BNC2: variants seen among roughly 807,000 people sequenced by gnomAD.
BNC2 encodes the protein basonuclin zinc finger protein 2.
BNC2 carries 20 observed loss-of-function variants against 76.3 expected under a neutral mutation model. That is an observed-to-expected ratio of 0.26 (90% CI 0.18 to 0.38). The LOEUF (loss-of-function observed/expected upper bound fraction) is 0.38, where lower values mean the gene tolerates loss of function less well. Among genes scored for constraint, BNC2 ranks in the 10% least tolerant of loss-of-function variants. The pLI, the probability that BNC2 is intolerant of heterozygous loss-of-function variation, is 1.00. For synonymous variants in BNC2, 582 were observed against 514.8 expected, an observed-to-expected ratio of 1.13 and a Z score of -1.77; for missense variants, 1,382 against 1,399.8, an observed-to-expected ratio of 0.99 and a Z score of 0.20.
intron 3 of BNC2, among the ~76,000 whole-genome samples, chr9:16,681,619 G>C (rs1423873989): frequency 6.6e-6 from 1 of 152,014 alleles, no homozygotes; most frequent in Non-Finnish European, 1.5e-5. Context: ...CTCTGCAATG[G>C]TACAATGACT....
intron 1 of BNC2, among the ~76,000 whole-genome samples, chr9:16,776,673 A>G (rs1825976400): frequency 6.6e-6 from 1 of 152,232 alleles, no homozygotes; most frequent in Non-Finnish European, 1.5e-5. Context: ...ATGTGAAAGA[A>G]AGCAAGCACT....
chr9:16,626,772 G>A (rs1481173278), intron 3 of BNC2, among the ~76,000 whole-genome samples: 1 of 151,944 alleles, frequency 6.6e-6, no homozygotes, highest in Non-Finnish European at 1.5e-5. Context: ...GTCCCCTCTG[G>A]AAGGAAGCGA....
chr9:16,841,501 T>C lies in BNC2; in HGVS notation c.3+29145A>G, dbSNP rs144638949. Among the ~76,000 whole-genome samples the C allele has an allele frequency of 2.7e-4, 41 of 151,406 alleles. No homozygotes were observed. In the Middle Eastern group the frequency reaches 0.014, roughly 50 times the overall value. On this transcript the variant is annotated intron_variant, in intron 1 of 6. Coordinates refer to ENST00000380672, the MANE Select transcript of BNC2 (RefSeq NM_017637.6). ...ATGTAGATATCCTGGCTAAACTGTA[T>C]GTCCATAATCAAACCATCATATCAT...
chr9:16,670,478 C>A (rs929333226), intron 3 of BNC2, among the ~76,000 whole-genome samples: 2 of 152,086 alleles, frequency 1.3e-5, no homozygotes, highest in Non-Finnish European at 2.9e-5. Flanking sequence ...CTGTATCCAG[C>A]CAATTTAAGA....
intron 3 of BNC2, among the ~76,000 whole-genome samples, chr9:16,709,064 C>T (rs1305672957): frequency 2.0e-5 from 3 of 152,158 alleles, no homozygotes; most frequent in Admixed American, 1.3e-4. Context: ...TCGGCTTCAC[C>T]GCTGGGAAAT....
At chr9:16,595,030 A>T (rs1308471089) in intron 3 of BNC2, among the ~76,000 whole-genome samples, 1 of 152,122 alleles carries the variant, frequency 6.6e-6, no homozygotes, top group East Asian at 1.9e-4. Flanking sequence ...ATATACTAGG[A>T]TTTTCTGCCA....
intron 3 of BNC2, among the ~76,000 whole-genome samples, chr9:16,605,003 T>C (rs1017863008): frequency 6.6e-6 from 1 of 152,148 alleles, no homozygotes; most frequent in African/African-American, 2.4e-5. Context: ...ATTACACAAA[T>C]AGAGCACCAA....
intron 3 of BNC2, among the ~76,000 whole-genome samples, chr9:16,609,169 G>A (rs1170009316): frequency 6.6e-6 from 1 of 152,096 alleles, no homozygotes; most frequent in Admixed American, 6.5e-5. Flanking sequence ...ACTTTTCAAA[G>A]GCTCAGAGAG....
intron 3 of BNC2, among the ~76,000 whole-genome samples, chr9:16,610,353 C>T (rs943894066): frequency 9.9e-5 from 15 of 152,088 alleles, no homozygotes; most frequent in Admixed American, 2.6e-4. Flanking sequence ...TTGAAAGGAA[C>T]GGCCAGTGAG....
At chr9:16,720,118 C>G (rs900939650) in intron 3 of BNC2, among the ~76,000 whole-genome samples, 5 of 152,220 alleles carry the variant, frequency 3.3e-5, no homozygotes, top group Non-Finnish European at 7.3e-5. Context: ...TGCCCTTACT[C>G]AAAGAACCCT....
At chr9:16,672,561 G>C (rs1037506921) in intron 3 of BNC2, among the ~76,000 whole-genome samples, 1 of 152,050 alleles carries the variant, frequency 6.6e-6, no homozygotes, top group Non-Finnish European at 1.5e-5. Context: ...TAACTGTTCA[G>C]GACAAAATGA....
chr9:16,580,261 T>G (rs1819596771), intron 4 of BNC2: 1 of 397,856 alleles, frequency 2.5e-6, no homozygotes, highest in Non-Finnish European at 4.4e-6. Context: ...CACTGCTGTA[T>G]TTGGCCTCAT....
At chr9:16,607,118 T>TA (rs55995789) in intron 3 of BNC2, among the ~76,000 whole-genome samples, 104 of 146,484 alleles carry the variant, frequency 7.1e-4, no homozygotes, top group Middle Eastern at 7.1e-3. Context: ...TGGCTGACTT[T>TA]AAAAAAAAAA....
chr9:16,691,150 T>G (rs952411631), intron 3 of BNC2, among the ~76,000 whole-genome samples: 2 of 152,204 alleles, frequency 1.3e-5, no homozygotes, highest in Non-Finnish European at 2.9e-5. Flanking sequence ...CGAATAATGC[T>G]AAAATTACAT....
intron 1 of BNC2, among the ~76,000 whole-genome samples, chr9:16,813,403 C>T (rs1416306268): frequency 3.3e-5 from 5 of 151,234 alleles, no homozygotes; most frequent in Non-Finnish European, 5.9e-5. Flanking sequence ...GTAGCTGGGA[C>T]TACAGGCGCC....
intron 4 of BNC2, among the ~76,000 whole-genome samples, chr9:16,562,215 C>G (rs1256290299): frequency 6.6e-6 from 1 of 152,124 alleles, no homozygotes; most frequent in Non-Finnish European, 1.5e-5. Flanking sequence ...AGAAAGCATC[C>G]TATGGGAGCA....
chr9:16,708,261 T>G (rs1452787286), intron 3 of BNC2, among the ~76,000 whole-genome samples: 2 of 152,198 alleles, frequency 1.3e-5, no homozygotes, highest in African/African-American at 4.8e-5. Context: ...TTTACTGTGT[T>G]AAATGGCATT....
chr9:16,768,935 G>C (rs1386489495), intron 1 of BNC2, among the ~76,000 whole-genome samples: 3 of 152,172 alleles, frequency 2.0e-5, no homozygotes, highest in Non-Finnish European at 4.4e-5. Flanking sequence ...AAATGGCGCA[G>C]ACAGTGGCAG....
chr9:16,723,646 C>T (rs1422774732), intron 3 of BNC2, among the ~76,000 whole-genome samples: 2 of 152,012 alleles, frequency 1.3e-5, no homozygotes, highest in Non-Finnish European at 2.9e-5. Flanking sequence ...TGTTATTATA[C>T]ATTTCTTATA....
Sources: allele counts gnomAD v4.1 joint callset (sites outside exome capture counted in the v4.1 genomes callset), GRCh38; gene constraint gnomAD v4.1.1; transcripts MANE v1.5; gene names NCBI Gene and HGNC (gene_info 2026-07-23, HGNC 2026-07-21).